The following BRD7 variants were observed in gnomAD, a reference collection of about 807,000 sequenced individuals.
BRD7 encodes bromodomain-containing protein 7.
Under a neutral mutation model 82.1 loss-of-function variants are expected in BRD7, and 15 were observed. That is an observed-to-expected ratio of 0.18 (90% CI 0.12 to 0.28). The LOEUF is 0.28. BRD7 is among the 10% of genes least tolerant of loss of function. BRD7 has a pLI of 1.00. For missense variants in BRD7, 638 were observed against 779.9 expected (o/e 0.82, Z 2.17); for synonymous variants, 232 against 266.9 (o/e 0.87, Z 1.27).
chr16:50,361,589 ACT>A lies in BRD7; in HGVS notation c.258+6499_258+6500del, dbSNP rs2038937935. Among the ~76,000 whole-genome samples, 4 of 151,944 alleles carry A rather than the reference ACT, an allele frequency of 2.6e-5. No individual in the cohort carries two copies. In the South Asian group the frequency reaches 6.2e-4, roughly 24 times the overall value. Reference sequence around the variant, plus strand: ...CTATGCAGGTCTCCTTACAGTTTCCACTCTCTCCATTCAATATTTGTTAGATA... The same window carrying A: ...CTATGCAGGTCTCCTTACAGTTTCCACTCTCCATTCAATATTTGTTAGATA... On this transcript the variant is annotated intron_variant, in intron 2 of 16. Coordinates refer to ENST00000394688, the MANE Select transcript of BRD7 (RefSeq NM_013263.5).
intron 5 of BRD7, among the ~76,000 whole-genome samples, chr16:50,348,631 C>CA (rs1403383483): frequency 6.6e-6 from 1 of 152,124 alleles, no homozygotes; most frequent in Non-Finnish European, 1.5e-5. Flanking sequence ...CAAAAGAAGA[C>CA]ATTCATGCAG....
At chr16:50,368,010 A>G in intron 2 of BRD7, 80 bp downstream of exon 2, 2 of 1,427,252 alleles carry the variant, frequency 1.4e-6, no homozygotes. Context: ...TTTTCCCCAG[A>G]TACAAAGAAA....
chr16:50,336,977 T>C (rs1012162395), intron 6 of BRD7, among the ~76,000 whole-genome samples: 1 of 152,226 alleles, frequency 6.6e-6, no homozygotes, highest in Non-Finnish European at 1.5e-5. Context: ...AGCTAACATT[T>C]ACTTAGTGCT....
At chr16:50,362,956 C>G (rs1243707888) in intron 2 of BRD7, among the ~76,000 whole-genome samples, 1 of 152,202 alleles carries the variant, frequency 6.6e-6, no homozygotes, top group Admixed American at 6.5e-5. Flanking sequence ...AGAGACAGAA[C>G]ACCAGTCTCA....
rs935089464 is a variant in BRD7, at chr16:50,345,387, CATA to C, written c.591+4633_591+4635del. On this transcript the variant is annotated intron_variant, in intron 5 of 16. Transcript: ENST00000394688. ...AACGAGCAAAATAACCAGCTAACAT[CATA>C]ATGACAGGATCAAATTCACACATAA... Among the ~76,000 whole-genome samples the C allele has an allele frequency of 2.8e-4, 42 of 152,250 alleles. 2 individuals carry two copies. Among genetic ancestry groups the C allele is most frequent in the African/African-American group, 9.6e-4 (40 of 41,532 alleles).
intron 2 of BRD7, among the ~76,000 whole-genome samples, chr16:50,359,959 T>C (rs2038879153): frequency 6.6e-6 from 1 of 152,334 alleles, no homozygotes; most frequent in South Asian, 2.1e-4. Context: ...GCTATTTCCA[T>C]GAACTACAAA....
At chr16:50,367,020 T>C (rs935343400) in intron 2 of BRD7, among the ~76,000 whole-genome samples, 5 of 152,164 alleles carry the variant, frequency 3.3e-5, no homozygotes, top group African/African-American at 4.8e-5. Flanking sequence ...AGGGAAGGAA[T>C]AGACTTAAGA....
rs2039266683 is a variant in BRD7 at position 50,368,867 on chromosome 16, G to C, written c.-93C>G. 2.8e-5 allele frequency: 25 copies of C among 907,364 alleles called. No homozygotes were observed. Among genetic ancestry groups the C allele is most frequent in the Admixed American group, 5.9e-5 (1 of 16,884 alleles). 56.2% of individuals were successfully genotyped at this position (907,364 alleles called of 1,614,324 possible). On this transcript the variant is annotated 5_prime_UTR_variant, in exon 1 of 17. Transcript: ENST00000394688. Reference sequence around the variant, plus strand: ...GGCCAGGCGAGCGGAGGGCGGGAGCGGGGCCCGCGAGACCCCGCGCCGCGA... The same window carrying C: ...GGCCAGGCGAGCGGAGGGCGGGAGCCGGGCCCGCGAGACCCCGCGCCGCGA...
intron 11 of BRD7, among the ~76,000 whole-genome samples, chr16:50,325,194 T>C (rs577185646): frequency 6.6e-6 from 1 of 152,292 alleles, no homozygotes; most frequent in Non-Finnish European, 1.5e-5. Flanking sequence ...GTTGATGGGA[T>C]CCAAACTGCT....
intron 5 of BRD7, among the ~76,000 whole-genome samples, chr16:50,348,330 C>T (rs1567279157): frequency 6.6e-6 from 1 of 152,160 alleles, no homozygotes; most frequent in Non-Finnish European, 1.5e-5. Flanking sequence ...CTAGGCTATA[C>T]CATTCAGGAC....
intron 4 of BRD7, among the ~76,000 whole-genome samples, chr16:50,353,651 T>C (rs1464155562): frequency 6.6e-6 from 1 of 152,026 alleles, no homozygotes; most frequent in Non-Finnish European, 1.5e-5. Context: ...TGGAGTGCAG[T>C]GGTGCAATCT....
At chr16:50,321,006 A>AAG (rs1425151029) in intron 13 of BRD7, among the ~76,000 whole-genome samples, 2 of 152,256 alleles carry the variant, frequency 1.3e-5, no homozygotes, top group African/African-American at 4.8e-5. Flanking sequence ...TGTGAAATGT[A>AAG]ATGATGTATC....
intron 8 of BRD7, among the ~76,000 whole-genome samples, chr16:50,329,563 CG>C (rs1329366199): frequency 6.6e-6 from 1 of 152,176 alleles, no homozygotes; most frequent in East Asian, 1.9e-4. Context: ...GCCACTTCCT[CG>C]TTGAGTGGTA....
chr16:50,321,531 C>A (rs955357733), intron 13 of BRD7, among the ~76,000 whole-genome samples: 1 of 126,992 alleles, frequency 7.9e-6, no homozygotes, highest in Non-Finnish European at 1.6e-5. Context: ...TGTGCCACTG[C>A]ACTCCAGCCT....
At chr16:50,349,254 G>C (rs1292811260) in intron 5 of BRD7, 2 of 217,720 alleles carry the variant, frequency 9.2e-6, no homozygotes, top group South Asian at 5.4e-5. Flanking sequence ...TGTGGGGTGG[G>C]GGCATGGGGG....
At chr16:50,329,315 C>G (rs1014201368) in intron 8 of BRD7, among the ~76,000 whole-genome samples, 1 of 152,146 alleles carries the variant, frequency 6.6e-6, no homozygotes, top group Non-Finnish European at 1.5e-5. Context: ...TACTATGGAC[C>G]AGGTGAGGGC....
At chr16:50,330,136 C>G (rs2037498667) in intron 8 of BRD7, among the ~76,000 whole-genome samples, 1 of 152,200 alleles carries the variant, frequency 6.6e-6, no homozygotes, top group Non-Finnish European at 1.5e-5. Context: ...ATCTAAAACT[C>G]TGCTCTTTTC....
chr16:50,367,685 C>G (rs2053505235), intron 2 of BRD7, among the ~76,000 whole-genome samples: 1 of 152,216 alleles, frequency 6.6e-6, no homozygotes, highest in Non-Finnish European at 1.5e-5. Flanking sequence ...TTGCTCATTA[C>G]AGATTTGGCA....
chr16:50,363,752 A>G (rs1367352555), intron 2 of BRD7, among the ~76,000 whole-genome samples: 3 of 151,964 alleles, frequency 2.0e-5, no homozygotes, highest in Non-Finnish European at 4.4e-5. Flanking sequence ...CATTACCCCC[A>G]TTCACTCCCC....
Sources: allele counts gnomAD v4.1 joint callset (sites outside exome capture counted in the v4.1 genomes callset), GRCh38; gene constraint gnomAD v4.1.1; transcripts MANE v1.5; gene names NCBI Gene and HGNC (gene_info 2026-07-23, HGNC 2026-07-21).